Variants in LRP12 observed in about 807,000 individuals in gnomAD.
The protein encoded by LRP12 is LDL receptor related protein 12.
LRP12 carries 14 observed loss-of-function variants against 66.0 expected under a neutral mutation model. That is an observed-to-expected ratio of 0.21 (90% confidence interval 0.14 to 0.33). LRP12 has a LOEUF of 0.33. Ranked by LOEUF, LRP12 falls within the 10% of genes least tolerant of loss-of-function variation. The pLI, the probability that LRP12 is intolerant of heterozygous loss-of-function variation, is 1.00. For synonymous variants in LRP12, 357 were observed against 359.1 expected (o/e 0.99, Z 0.07); for missense variants, 889 against 1,053.4 (o/e 0.84, Z 2.16).
In LRP12 at chr8:104,497,256, G is replaced by T. The variant is rs1247403069; in HGVS notation, c.1296C>A (p.Arg432=). Residue 432 remains arginine, a synonymous_variant, in exon 5 of 7, where the codon CGC becomes CGA. Transcript: ENST00000276654. The surrounding 1 kb of genome is among the most constrained non-coding windows in gnomAD (Gnocchi z 4.3). ...RNGVCYPRSD[R]CNYQNHCPNG... ...TTGGGCAATGATTCTGGTAGTTGCA[G>T]CGATCAGAACGAGGATAACAGACAC... is the stretch of plus-strand genomic sequence containing the variant. 1 of 1,614,110 alleles carries T rather than the reference G, an allele frequency of 6.2e-7. No homozygotes were observed. Among genetic ancestry groups the T allele is most frequent in the Non-Finnish European group, 8.5e-7 (1 of 1,180,020 alleles).
At chr8:104,513,563 C>G (rs541395007) in intron 2 of LRP12, among the ~76,000 whole-genome samples, 1 of 152,272 alleles carries the variant, frequency 6.6e-6, no homozygotes, top group East Asian at 1.9e-4. Flanking sequence ...CCATCAGTGA[C>G]CTCACCGCTA....
At chr8:104,531,739 A>AT (rs1223594735) in intron 2 of LRP12, among the ~76,000 whole-genome samples, 168 bp downstream of exon 2, 2 of 152,154 alleles carry the variant, frequency 1.3e-5, no homozygotes, top group Non-Finnish European at 2.9e-5. Context: ...TATCAGTTTT[A>AT]TCTTATGAGA....
chr8:104,548,565 T>TTA (rs1811671404), intron 1 of LRP12, among the ~76,000 whole-genome samples: 4 of 93,262 alleles, frequency 4.3e-5, no homozygotes, highest in Non-Finnish European at 6.0e-5. Context: ...TGATATAGAA[T>TTA]TATAATTCTA....
At chr8:104,553,641 T>C (rs1811760591) in intron 1 of LRP12, among the ~76,000 whole-genome samples, 1 of 152,188 alleles carries the variant, frequency 6.6e-6, no homozygotes, top group African/African-American at 2.4e-5. Flanking sequence ...CCCCACCTGA[T>C]GATCTTTTTC....
chr8:104,499,581 A>AAAGTAACTGAGGAT, intron 3 of LRP12, 62 bp from the exon 4 acceptor site: 1 of 1,137,184 alleles, frequency 8.8e-7, no homozygotes. Context: ...ATCGTATTAC[A>AAAGTAACTGAGGAT]AAGTAACTGA....
At chr8:104,541,467 C>T (rs1466757697) in intron 1 of LRP12, among the ~76,000 whole-genome samples, 24 of 152,284 alleles carry the variant, frequency 1.6e-4, no homozygotes, top group Non-Finnish European at 1.9e-4. Context: ...AAAAAAATTA[C>T]ACACCTATAT....
intron 1 of LRP12, among the ~76,000 whole-genome samples, chr8:104,558,912 C>T (rs1811856839): frequency 1.3e-5 from 2 of 152,072 alleles, no homozygotes; most frequent in Admixed American, 6.6e-5. Flanking sequence ...TGCAGTACCA[C>T]CTTACTCCTG....
At position 104,586,376 on chromosome 8, in the gene LRP12, T is replaced by G. The variant is rs150630033; in HGVS notation, c.79+2443A>C. ...GAGTCATTTCATTTAAGAGTCACTC[T>G]GTGAAGAATTAATATTGGAGTTCCC... On this transcript the variant is annotated intron_variant, in intron 1 of 6. Transcript: ENST00000276654. 3.3e-3 allele frequency among the ~76,000 whole-genome samples: 509 copies of G among 152,352 alleles called. 3 individuals are homozygous for G. The highest frequency in any genetic ancestry group is 0.011 in the African/African-American group (471 of 41,598).
At chr8:104,564,958 C>T (rs971745308) in intron 1 of LRP12, among the ~76,000 whole-genome samples, 8 of 150,892 alleles carry the variant, frequency 5.3e-5, no homozygotes, top group African/African-American at 9.7e-5. Context: ...CATAAATAGA[C>T]GTATTACAGA....
chr8:104,569,563 G>A (rs2140893141), intron 1 of LRP12, among the ~76,000 whole-genome samples: 1 of 152,156 alleles, frequency 6.6e-6, no homozygotes, highest in African/African-American at 2.4e-5. Context: ...ATAATGACAT[G>A]AGTAGATACA....
At chr8:104,511,030 C>CTTTTTTTTT (rs11350393) in intron 2 of LRP12, among the ~76,000 whole-genome samples, 17 of 54,368 alleles carry the variant, frequency 3.1e-4, no homozygotes, top group Non-Finnish European at 4.1e-4. Flanking sequence ...GGAAAAATGA[C>CTTTTTTTTT]TTTTTTTTTT....
chr8:104,538,050 T>C (rs1811415011), intron 1 of LRP12, among the ~76,000 whole-genome samples: 1 of 152,180 alleles, frequency 6.6e-6, no homozygotes, highest in South Asian at 2.1e-4. Context: ...AGCCTTGATA[T>C]TCATTCTGTT....
At chr8:104,548,346 A>AT (rs1564142239) in intron 1 of LRP12, among the ~76,000 whole-genome samples, 6 of 52,680 alleles carry the variant, frequency 1.1e-4, no homozygotes, top group South Asian at 5.3e-4. Flanking sequence ...TAAATATATA[A>AT]ATATATAATA....
intron 3 of LRP12, chr8:104,506,509 C>T (rs1225897372): frequency 6.6e-6 from 1 of 152,038 alleles, no homozygotes; most frequent in African/African-American, 2.4e-5. Flanking sequence ...CATTCCAGAA[C>T]AAGTCTTAAA....
intron 1 of LRP12, among the ~76,000 whole-genome samples, chr8:104,549,966 T>C (rs113447908): frequency 6.6e-6 from 1 of 152,180 alleles, no homozygotes; most frequent in African/African-American, 2.4e-5. Context: ...ATCCTTTCCC[T>C]TTCTAGAAAG....
chr8:104,518,810 G>A (rs1266285234), intron 2 of LRP12, among the ~76,000 whole-genome samples: 2 of 151,944 alleles, frequency 1.3e-5, no homozygotes, highest in African/African-American at 2.4e-5. Flanking sequence ...GATGCTTAGG[G>A]CAAGGAGTAG....
intron 1 of LRP12, among the ~76,000 whole-genome samples, chr8:104,543,626 A>T (rs2140872368): frequency 6.6e-6 from 1 of 152,276 alleles, no homozygotes; most frequent in South Asian, 2.1e-4. Context: ...ACTTTAAATC[A>T]AAAGCTATAA....
chr8:104,524,023 A>C (rs1339530076), intron 2 of LRP12, among the ~76,000 whole-genome samples: 1 of 152,086 alleles, frequency 6.6e-6, no homozygotes, highest in Non-Finnish European at 1.5e-5. Context: ...AGGTGGGCAG[A>C]TCACTTGCAC....
At position 104,588,963 on chromosome 8, in the gene LRP12, G is replaced by T. The variant is rs931073866; in HGVS notation, c.-66C>A. 3.1e-6 allele frequency: 3 copies of T among 975,238 alleles called. No individual in the cohort carries two copies. The East Asian group carries it at 1.0e-4, about 33-fold the overall frequency. 60.4% of individuals were successfully genotyped at this position (975,238 alleles called of 1,614,324 possible). A position where few individuals can be genotyped will look rare whatever the true frequency, so the allele number is the denominator to read the frequency against. On this transcript the variant is annotated 5_prime_UTR_variant, in exon 1 of 7. Coordinates refer to ENST00000276654, the MANE Select transcript of LRP12 (RefSeq NM_013437.5). ...GAGGGAGGAGAAGCTGGAGGTAGAC[G>T]ACGCCGACGCCGCCGCCGCCGCCGC...
Sources: allele counts gnomAD v4.1 joint callset (sites outside exome capture counted in the v4.1 genomes callset), GRCh38; gene constraint gnomAD v4.1.1; non-coding constraint Gnocchi (gnomAD v3.1); transcripts MANE v1.5; gene names NCBI Gene and HGNC (gene_info 2026-07-23, HGNC 2026-07-21).